SH3GL3: variants seen among roughly 807,000 people sequenced by gnomAD.
The protein encoded by SH3GL3 is SH3 domain containing GRB2 like 3, endophilin A3.
Under a neutral mutation model 47.7 loss-of-function variants are expected in SH3GL3, and 33 were observed. The observed-to-expected ratio is 0.69, with a 90% confidence interval of 0.52 to 0.92. The LOEUF (loss-of-function observed/expected upper bound fraction) is 0.92, where lower values mean the gene tolerates loss of function less well. Among genes scored for constraint, SH3GL3 ranks in the 40% least tolerant of loss-of-function variants. The probability of loss-of-function intolerance (pLI) is 0.00; values close to 1 mark genes in which losing one functional copy is unlikely to be tolerated. For missense variants in SH3GL3, 363 were observed against 417.8 expected, an observed-to-expected ratio of 0.87 and a Z score of 1.14; for synonymous variants, 155 against 148.8, an observed-to-expected ratio of 1.04 and a Z score of -0.30.
chr15:83,557,038 A>G (rs1360574560), intron 1 of SH3GL3, among the ~76,000 whole-genome samples: 1 of 152,190 alleles, frequency 6.6e-6, no homozygotes, highest in Admixed American at 6.5e-5. Context: ...CTGATTTGGA[A>G]TTTATAGCTA....
At chr15:83,483,559 A>G (rs905107950) in intron 1 of SH3GL3, among the ~76,000 whole-genome samples, 2 of 152,218 alleles carry the variant, frequency 1.3e-5, no homozygotes, top group African/African-American at 4.8e-5. Flanking sequence ...TTGTGTTCCC[A>G]GCCCCAGTAC....
At chr15:83,477,045 A>G (rs2041134248) in intron 1 of SH3GL3, among the ~76,000 whole-genome samples, 1 of 152,196 alleles carries the variant, frequency 6.6e-6, no homozygotes, top group Admixed American at 6.5e-5. Flanking sequence ...AGTACCAAAA[A>G]GTCACCTCTG....
intron 1 of SH3GL3, among the ~76,000 whole-genome samples, chr15:83,481,067 G>A (rs2041329788): frequency 6.6e-6 from 1 of 152,120 alleles, no homozygotes; most frequent in Non-Finnish European, 1.5e-5. Flanking sequence ...CCTGAGGTTA[G>A]GAGTTCGAGA....
Position 83,494,548 on chromosome 15 carries a change from CTT to C in SH3GL3, c.45+46982_45+46983del, listed in dbSNP as rs368373522. Among the ~76,000 whole-genome samples the C allele has an allele frequency of 7.8e-4, 113 of 144,710 alleles. 1 individual carries two copies. In the South Asian group the frequency reaches 0.014, roughly 17 times the overall value. 94.9% of individuals were successfully genotyped at this position (144,710 alleles called of 152,430 possible). A position where few individuals can be genotyped will look rare whatever the true frequency, so the allele number is the denominator to read the frequency against. On this transcript the variant is annotated intron_variant, in intron 1 of 8. Coordinates refer to ENST00000427482, the MANE Select transcript of SH3GL3 (RefSeq NM_003027.5). ...TTTATTTCTGTATGACTTAGTCCCC[CTT>C]TTTTTTTTTTTGAGGTGAGTCTTGC...
rs776831092 is a variant in SH3GL3 at position 83,559,364 on chromosome 15, C to G, written c.114+43C>G. 4 of 1,026,806 alleles carry G rather than the reference C, an allele frequency of 3.9e-6. No individual in the cohort carries two copies. The Admixed American group carries it at 5.2e-5, about 13-fold the overall frequency. The allele number at this position is 1,026,806 out of a possible 1,614,324, so 63.6% of individuals were successfully genotyped here. ...TGTAAATTGATTAGAAACTGACTTTCATTGTGATATGAGATATACTGCTAT... is the reference window on the plus strand; with the variant it reads ...TGTAAATTGATTAGAAACTGACTTTGATTGTGATATGAGATATACTGCTAT... On this transcript the variant is annotated intron_variant, in intron 2 of 8. Transcript: ENST00000427482.
intron 1 of SH3GL3, among the ~76,000 whole-genome samples, chr15:83,514,034 G>GT (rs1457122008): frequency 6.6e-6 from 1 of 152,192 alleles, no homozygotes; most frequent in Non-Finnish European, 1.5e-5. Flanking sequence ...TCAGTAGCTA[G>GT]TTTCACTGAG....
chr15:83,568,437 A>G, intron 3 of SH3GL3, 92 bp from the exon 4 acceptor site: 1 of 880,748 alleles, frequency 1.1e-6, no homozygotes, highest in Non-Finnish European at 1.8e-6. Context: ...GTTTAAGGTG[A>G]CCTCAGTTTT....
chr15:83,532,295 C>A (rs1228315768), intron 1 of SH3GL3, among the ~76,000 whole-genome samples: 1 of 152,068 alleles, frequency 6.6e-6, no homozygotes, highest in Non-Finnish European at 1.5e-5. Flanking sequence ...AAGTCAGTAG[C>A]AAAATAGGTG....
chr15:83,589,996 A>G (rs914846791), intron 8 of SH3GL3, among the ~76,000 whole-genome samples: 3 of 152,174 alleles, frequency 2.0e-5, no homozygotes, highest in Non-Finnish European at 4.4e-5. Flanking sequence ...AATGGTATCC[A>G]GTCTTAATTT....
intron 1 of SH3GL3, among the ~76,000 whole-genome samples, chr15:83,489,474 A>G (rs1390171831): frequency 6.6e-6 from 1 of 151,830 alleles, no homozygotes; most frequent in Non-Finnish European, 1.5e-5. Context: ...TAACCACCCC[A>G]CCTCCCGTGG....
At chr15:83,486,559 A>C (rs757395364) in intron 1 of SH3GL3, among the ~76,000 whole-genome samples, 2 of 152,214 alleles carry the variant, frequency 1.3e-5, no homozygotes, top group Non-Finnish European at 2.9e-5. Flanking sequence ...TCCATATTGT[A>C]GCATGTATCA....
chr15:83,604,380 C>T (rs1217404512), intron 8 of SH3GL3, among the ~76,000 whole-genome samples: 1 of 152,162 alleles, frequency 6.6e-6, no homozygotes. Flanking sequence ...TCTCATTTGC[C>T]ACCAAAGAGA....
At chr15:83,536,880 C>G (rs1388877249) in intron 1 of SH3GL3, among the ~76,000 whole-genome samples, 3 of 152,186 alleles carry the variant, frequency 2.0e-5, no homozygotes, top group Non-Finnish European at 2.9e-5. Context: ...TTGATTATCT[C>G]TGTTTCCTTT....
At chr15:83,605,429 C>T (rs2060489646) in intron 8 of SH3GL3, among the ~76,000 whole-genome samples, 1 of 152,070 alleles carries the variant, frequency 6.6e-6, no homozygotes, top group South Asian at 2.1e-4. Flanking sequence ...GAATGATTTG[C>T]ACATAATGTT....
chr15:83,613,522 C>T (rs563551440), intron 8 of SH3GL3, among the ~76,000 whole-genome samples: 9 of 152,280 alleles, frequency 5.9e-5, no homozygotes, highest in African/African-American at 2.2e-4. Context: ...CTGGTTTACA[C>T]ATGGAGGTGG....
intron 1 of SH3GL3, among the ~76,000 whole-genome samples, chr15:83,555,838 C>G (rs1336537907): frequency 1.3e-5 from 2 of 152,334 alleles, no homozygotes; most frequent in East Asian, 3.9e-4. Flanking sequence ...AGAAGCCCAG[C>G]AGGCCCGAGG....
intron 8 of SH3GL3, among the ~76,000 whole-genome samples, chr15:83,589,319 A>G (rs78841530): frequency 0.019 from 2,836 of 152,296 alleles, 39 homozygotes; most frequent in Non-Finnish European, 0.03. Context: ...AACTATTATC[A>G]TATCTATTGA....
chr15:83,633,333 T>A, the SH3GL3 span, among the ~76,000 whole-genome samples: 1 of 152,190 alleles, frequency 6.6e-6, no homozygotes. Context: ...AAAATTATTA[T>A]TTTTCTTCTT....
chr15:83,525,380 T>G (rs1440705058), intron 1 of SH3GL3, among the ~76,000 whole-genome samples: 1 of 72,572 alleles, frequency 1.4e-5, no homozygotes, highest in East Asian at 4.0e-4. Context: ...GTGTGTGTGT[T>G]TTGCTGTGGA....
Sources: allele counts gnomAD v4.1 joint callset (sites outside exome capture counted in the v4.1 genomes callset), GRCh38; gene constraint gnomAD v4.1.1; transcripts MANE v1.5; gene names NCBI Gene and HGNC (gene_info 2026-07-23, HGNC 2026-07-21).